ARSB: variants seen among roughly 807,000 people sequenced by gnomAD.
ARSB encodes the protein N-acetylgalactosamine-4-sulfatase.
Under a neutral mutation model 50.9 loss-of-function variants are expected in ARSB, and 41 were observed. That is an observed-to-expected ratio of 0.81 (90% CI 0.63 to 1.04). The LOEUF (loss-of-function observed/expected upper bound fraction) is 1.04. Among genes scored for constraint, ARSB ranks in the 50% least tolerant of loss-of-function variants. ARSB has a pLI of 0.00. For missense variants in ARSB, 672 were observed against 693.3 expected (o/e 0.97, Z 0.35); for synonymous variants, 269 against 284.8 (o/e 0.94, Z 0.56).
intron 6 of ARSB, among the ~76,000 whole-genome samples, chr5:78,819,491 C>T (rs1034626493): frequency 5.9e-5 from 9 of 152,188 alleles, no homozygotes; most frequent in African/African-American, 2.2e-4. Context: ...ATAAAATATG[C>T]AGTAAATTCT....
chr5:78,835,677 C>A lies in ARSB; in HGVS notation c.1213+3679G>T, dbSNP rs763098011. Among the ~76,000 whole-genome samples the A allele has an allele frequency of 3.9e-4, 59 of 152,260 alleles. No individual in the cohort carries two copies. In the Middle Eastern group the frequency reaches 0.014, roughly 35 times the overall value. On this transcript the variant is annotated intron_variant, in intron 6 of 7. Transcript: ENST00000264914. ...GGCAACATCACTGCTTATCAATGGA[C>A]ACACTCCTTCTAGCAGGCAGAAAAA...
At chr5:78,860,039 C>T (rs1480372789) in intron 5 of ARSB, among the ~76,000 whole-genome samples, 1 of 152,144 alleles carries the variant, frequency 6.6e-6, no homozygotes, top group African/African-American at 2.4e-5. Context: ...ATAGATACTT[C>T]CAACTATGTT....
chr5:78,921,370 G>A (rs945694648), intron 4 of ARSB, among the ~76,000 whole-genome samples: 1 of 148,358 alleles, frequency 6.7e-6, no homozygotes, highest in Non-Finnish European at 1.5e-5. Context: ...CAGACTGTGC[G>A]TGTGTGTGTG....
At chr5:78,798,970 C>T (rs1743276080) in intron 6 of ARSB, among the ~76,000 whole-genome samples, 1 of 152,188 alleles carries the variant, frequency 6.6e-6, no homozygotes, top group Non-Finnish European at 1.5e-5. Flanking sequence ...AAAAAGCAAA[C>T]ATTTGAGACA....
chr5:78,942,115 G>T (rs1247696034), intron 4 of ARSB, among the ~76,000 whole-genome samples: 8 of 152,166 alleles, frequency 5.3e-5, no homozygotes, highest in African/African-American at 1.7e-4. Context: ...ATTTCTGTGG[G>T]ATCAGTGGTG....
At chr5:78,831,119 T>C (rs952330693) in intron 6 of ARSB, among the ~76,000 whole-genome samples, 1 of 152,190 alleles carries the variant, frequency 6.6e-6, no homozygotes, top group African/African-American at 2.4e-5. Flanking sequence ...AGCCAGAATG[T>C]AATTGTTGTT....
intron 5 of ARSB, chr5:78,883,832 TAG>T (rs1747875198): frequency 2.0e-5 from 3 of 152,226 alleles, no homozygotes; most frequent in Admixed American, 6.5e-5. Context: ...TAAACTTGAA[TAG>T]CTATCAAACT....
At chr5:78,898,085 T>C (rs777042311) in intron 4 of ARSB, among the ~76,000 whole-genome samples, 11 of 152,084 alleles carry the variant, frequency 7.2e-5, no homozygotes, top group Non-Finnish European at 1.5e-4. Flanking sequence ...CTGGCCAACA[T>C]GGAGAAACCC....
intron 5 of ARSB, among the ~76,000 whole-genome samples, chr5:78,855,731 G>C (rs1434737180): frequency 6.6e-6 from 1 of 152,160 alleles, no homozygotes; most frequent in Non-Finnish European, 1.5e-5. Flanking sequence ...GATTGCAGGG[G>C]ACCCCAGTGC....
chr5:78,891,531 G>A (rs1748294076), intron 4 of ARSB, among the ~76,000 whole-genome samples: 1 of 152,168 alleles, frequency 6.6e-6, no homozygotes, highest in Non-Finnish European at 1.5e-5. Context: ...GCAGCAAACA[G>A]GATGGACAAG....
In ARSB at chr5:78,945,335, T is replaced by C. The variant is rs138891731; in HGVS notation, c.898+9960A>G. ...AGTGAGATGAACCCAGTACCTCAGT[T>C]GGAAATGCAGAAATCATTCGTCTTC... On this transcript the variant is annotated intron_variant, in intron 4 of 7. Coordinates refer to ENST00000264914, the MANE Select transcript of ARSB (RefSeq NM_000046.5). 3.3e-4 allele frequency among the ~76,000 whole-genome samples: 50 copies of C among 152,320 alleles called. No homozygotes were observed. The East Asian group carries it at 8.9e-3, about 27-fold the overall frequency.
At chr5:78,974,739 A>G (rs138305222) in intron 1 of ARSB, among the ~76,000 whole-genome samples, 1 of 152,314 alleles carries the variant, frequency 6.6e-6, no homozygotes, top group East Asian at 1.9e-4. Context: ...TGTTTCTTTA[A>G]AATAGCTGCA....
intron 6 of ARSB, among the ~76,000 whole-genome samples, chr5:78,812,350 A>G (rs1743839454): frequency 6.6e-6 from 1 of 152,112 alleles, no homozygotes; most frequent in Non-Finnish European, 1.5e-5. Flanking sequence ...TACAGTGGGG[A>G]GGGGAGGACA....
At chr5:78,780,982 G>A (rs528218895) in intron 7 of ARSB, among the ~76,000 whole-genome samples, 142 of 152,218 alleles carry the variant, frequency 9.3e-4, no homozygotes, top group African/African-American at 3.3e-3. Context: ...GCAATACATG[G>A]GACAATCCCA....
chr5:78,985,394 C>A, upstream of ARSB: 2 of 749,850 alleles, frequency 2.7e-6, no homozygotes, highest in Non-Finnish European at 3.6e-6. Context: ...GCCGGGCGCT[C>A]GGCCCCCGCC....
At chr5:78,843,354 C>A (rs1196815663) in intron 5 of ARSB, among the ~76,000 whole-genome samples, 1 of 152,188 alleles carries the variant, frequency 6.6e-6, no homozygotes, top group African/African-American at 2.4e-5. Flanking sequence ...GATCTCAACT[C>A]TTTTGGAGTC....
chr5:78,809,151 A>G (rs1260740773), intron 6 of ARSB, among the ~76,000 whole-genome samples: 1 of 152,206 alleles, frequency 6.6e-6, no homozygotes, highest in African/African-American at 2.4e-5. Context: ...AAATAACTCT[A>G]TCATAATGGG....
chr5:78,911,895 G>A (rs1252679932), intron 4 of ARSB, among the ~76,000 whole-genome samples: 1 of 152,090 alleles, frequency 6.6e-6, no homozygotes, highest in Non-Finnish European at 1.5e-5. Flanking sequence ...CTCTTTTCCT[G>A]AAGCCCATCC....
intron 5 of ARSB, among the ~76,000 whole-genome samples, chr5:78,853,738 T>C (rs1745982660): frequency 6.6e-6 from 1 of 152,186 alleles, no homozygotes; most frequent in African/African-American, 2.4e-5. Context: ...GGCTGCTTTG[T>C]TTACCTAAGC....
Sources: gnomAD v4.1 joint callset for allele counts (sites outside exome capture counted in the v4.1 genomes callset) on GRCh38, gnomAD v4.1.1 for gene constraint, MANE v1.5 for transcripts, NCBI Gene and HGNC (gene_info 2026-07-23, HGNC 2026-07-21) for gene names.